KIAA1217: variants seen among roughly 807,000 people sequenced by gnomAD.
KIAA1217 encodes the protein sickle tail protein homolog.
In KIAA1217, 88 loss-of-function variants were observed where a neutral mutation model predicts 163.9. The ratio of observed to expected loss-of-function variants is 0.54; its 90% CI spans 0.45 to 0.64. The LOEUF is 0.64. Among genes scored for constraint, KIAA1217 ranks in the 30% least tolerant of loss-of-function variants. KIAA1217 has a pLI of 0.00. For synonymous variants in KIAA1217, 903 were observed against 923.1 expected (o/e 0.98, Z 0.39); for missense variants, 2,372 against 2,475.0 (o/e 0.96, Z 0.88).
At chr10:23,709,346 A>G (rs1837084378) in intron 1 of KIAA1217, among the ~76,000 whole-genome samples, 1 of 151,982 alleles carries the variant, frequency 6.6e-6, no homozygotes. Context: ...CAAGATAGCA[A>G]GACCTCGTCT....
rs567413666 is a variant in KIAA1217, at chr10:24,520,567, T to C, written c.2308+314T>C. Among the ~76,000 whole-genome samples, 4 of 141,088 alleles carry C rather than the reference T, an allele frequency of 2.8e-5. No homozygotes were observed. In the East Asian group the frequency reaches 8.6e-4, roughly 30 times the overall value. 92.6% of individuals were successfully genotyped at this position (141,088 alleles called of 152,430 possible). On this transcript the variant is annotated intron_variant, in intron 11 of 20. Transcript: ENST00000376454. Reference sequence around the variant, plus strand: ...CCGTTAAAAACACAAGGTGGGAGGATCACTTGATCCCAGGAGTTCAAGACC... The same window carrying C: ...CCGTTAAAAACACAAGGTGGGAGGACCACTTGATCCCAGGAGTTCAAGACC...
intron 1 of KIAA1217, among the ~76,000 whole-genome samples, chr10:23,824,981 A>AT (rs1247132757): frequency 6.6e-6 from 1 of 151,968 alleles, no homozygotes; most frequent in Non-Finnish European, 1.5e-5. Flanking sequence ...TCTGCTTACC[A>AT]TTTTTTGCAG....
intron 1 of KIAA1217, chr10:23,877,622 T>C (rs556587099): frequency 1.1e-4 from 17 of 152,112 alleles, no homozygotes; most frequent in African/African-American, 3.6e-4. Flanking sequence ...ATGGGCCATA[T>C]AAATTTTGCC....
chr10:23,910,873 G>A (rs1842402559), intron 1 of KIAA1217, among the ~76,000 whole-genome samples: 2 of 152,126 alleles, frequency 1.3e-5, no homozygotes, highest in South Asian at 4.1e-4. Context: ...CACTTGGTGG[G>A]TTTGAAAATG....
chr10:24,532,968 G>A, intron 15 of KIAA1217, 102 bp from the exon 16 acceptor site: 1 of 1,000,928 alleles, frequency 1.0e-6, no homozygotes, highest in South Asian at 2.9e-5. Flanking sequence ...CTAAGATCTA[G>A]GAAGCAAGTG....
In KIAA1217 at chr10:24,029,132, T is replaced by A. The variant is rs570080844; in HGVS notation, c.-171+21758T>A. On this transcript the variant is annotated intron_variant, in intron 2 of 18. Coordinates refer to the KIAA1217 transcript ENST00000376462. Reference sequence around the variant, plus strand: ...GTGGATAAATTTTTTTGTCTATGATTTTTTTAGGGAGAAAAATAATGTAAT... The same window carrying A: ...GTGGATAAATTTTTTTGTCTATGATATTTTTAGGGAGAAAAATAATGTAAT... Among the ~76,000 whole-genome samples the A allele has an allele frequency of 5.5e-4, 83 of 152,274 alleles. 1 individual carries two copies. In the South Asian group the frequency reaches 0.016, roughly 29 times the overall value.
intron 1 of KIAA1217, among the ~76,000 whole-genome samples, chr10:23,847,601 C>T (rs1478583785): frequency 6.6e-6 from 1 of 152,020 alleles, no homozygotes; most frequent in African/African-American, 2.4e-5. Context: ...TTTGATTCTT[C>T]TCTCTTTTCT....
intron 1 of KIAA1217, among the ~76,000 whole-genome samples, chr10:23,756,270 T>C (rs1290173258): frequency 6.6e-6 from 1 of 151,994 alleles, no homozygotes; most frequent in Non-Finnish European, 1.5e-5. Context: ...GCCTGAGTCC[T>C]ATTTTAAAGA....
At chr10:23,851,448 T>C (rs1839315130) in intron 1 of KIAA1217, among the ~76,000 whole-genome samples, 2 of 152,354 alleles carry the variant, frequency 1.3e-5, no homozygotes, top group East Asian at 3.9e-4. Context: ...GTCTTTGCTA[T>C]TGTGAATAGT....
intron 1 of KIAA1217, among the ~76,000 whole-genome samples, chr10:23,893,027 T>C (rs1024501028): frequency 2.6e-5 from 4 of 151,912 alleles, no homozygotes; most frequent in African/African-American, 4.8e-5. Flanking sequence ...GGGAGGATTC[T>C]CTCTTTTTCT....
chr10:24,320,089 A>G (rs1221692585), intron 2 of KIAA1217, among the ~76,000 whole-genome samples: 2 of 152,234 alleles, frequency 1.3e-5, no homozygotes, highest in African/African-American at 4.8e-5. Context: ...CAGTGGAATT[A>G]TATGTATGAT....
At position 24,288,649 on chromosome 10, in the gene KIAA1217, G is replaced by C. The variant is rs142532344; in HGVS notation, c.354+68740G>C. ...CACTAGAGGGAACAAAAGGATAAGA[G>C]GCAGTTTGGGTCAGGGAAGGCTGAG... On this transcript the variant is annotated intron_variant, in intron 2 of 20. Transcript: ENST00000376454. 2.0e-3 allele frequency among the ~76,000 whole-genome samples: 303 copies of C among 152,324 alleles called. 1 individual carries two copies. Among genetic ancestry groups the C allele is most frequent in the African/African-American group, 7.1e-3 (294 of 41,582 alleles).
chr10:23,763,668 C>T lies in KIAA1217; in HGVS notation c.-321+68434C>T, dbSNP rs118006154. ...ACCCTAGAAGAAAATCTGGACAATACCATTCAGGACATAAGCATGGGCGAA... is the reference window on the plus strand; with the variant it reads ...ACCCTAGAAGAAAATCTGGACAATATCATTCAGGACATAAGCATGGGCGAA... On this transcript the variant is annotated intron_variant, in intron 1 of 18. Coordinates refer to the KIAA1217 transcript ENST00000376462. Among the ~76,000 whole-genome samples, 180 of 152,242 alleles carry T rather than the reference C, an allele frequency of 1.2e-3. 13 individuals carry two copies. In the East Asian group the frequency reaches 0.028, roughly 24 times the overall value.
chr10:23,934,575 A>ATGTGTGTGTGTGTGTGTATG lies in KIAA1217; in HGVS notation c.-320-72649_-320-72648insGTGTGTGTGTGTGTGTATGT, dbSNP rs1420302818. Among the ~76,000 whole-genome samples the ATGTGTGTGTGTGTGTGTATG allele has an allele frequency of 5.3e-4, 35 of 65,962 alleles. 2 individuals carry two copies. Among genetic ancestry groups the ATGTGTGTGTGTGTGTGTATG allele is most frequent in the Middle Eastern group, 0.01 (1 of 100 alleles). The allele number at this position is 65,962 out of a possible 152,430, so 43.3% of individuals were successfully genotyped here. ...CTTTAAAGTATATATATATATATATATATATATATATATATGTATATATAT... is the reference window on the plus strand; with the variant it reads ...CTTTAAAGTATATATATATATATATATGTGTGTGTGTGTGTGTATGTATATATATATATATGTATATATAT... On this transcript the variant is annotated intron_variant, in intron 1 of 18. Coordinates refer to the KIAA1217 transcript ENST00000376462.
At chr10:24,039,424 C>T (rs1039531577) in intron 2 of KIAA1217, among the ~76,000 whole-genome samples, 2 of 152,082 alleles carry the variant, frequency 1.3e-5, no homozygotes, top group Non-Finnish European at 2.9e-5. Flanking sequence ...TGATATACAA[C>T]GCAATACTCC....
intron 5 of KIAA1217, among the ~76,000 whole-genome samples, chr10:24,450,535 ATGTCCTTTTAAATCAG>A (rs1316078590): frequency 6.6e-6 from 1 of 152,230 alleles, no homozygotes; most frequent in Admixed American, 6.5e-5. Flanking sequence ...AATAAGAGCA[ATGTCCTTTTAAATCAG>A]TCTGTTTCCT....
At chr10:23,800,192 A>G (rs1240154813) in intron 1 of KIAA1217, among the ~76,000 whole-genome samples, 1 of 152,226 alleles carries the variant, frequency 6.6e-6, no homozygotes, top group Non-Finnish European at 1.5e-5. Flanking sequence ...AATAGGAAAT[A>G]AGACACTAAT....
At chr10:24,049,670 G>A (rs930633204) in intron 2 of KIAA1217, among the ~76,000 whole-genome samples, 4 of 152,138 alleles carry the variant, frequency 2.6e-5, no homozygotes, top group African/African-American at 4.8e-5. Context: ...GTATCTCATG[G>A]TATATATGTG....
intron 2 of KIAA1217, among the ~76,000 whole-genome samples, chr10:24,071,815 T>G (rs949007420): frequency 1.3e-5 from 2 of 152,076 alleles, no homozygotes; most frequent in Non-Finnish European, 1.5e-5. Flanking sequence ...AAGTGAGTGT[T>G]GAAGATAAAA....
Sources: allele counts gnomAD v4.1 joint callset (sites outside exome capture counted in the v4.1 genomes callset), GRCh38; gene constraint gnomAD v4.1.1; transcripts MANE v1.5; gene names NCBI Gene and HGNC (gene_info 2026-07-23, HGNC 2026-07-21).